Variants in PTCHD1 observed in about 807,000 individuals in gnomAD.
PTCHD1 encodes patched domain-containing protein 1.
PTCHD1 carries 3 observed loss-of-function variants against 34.6 expected under a neutral mutation model. That is an observed-to-expected ratio of 0.09 (90% CI 0.04 to 0.22). PTCHD1 has a LOEUF of 0.22. Among genes scored for constraint, PTCHD1 ranks in the 10% least tolerant of loss-of-function variants. The probability of loss-of-function intolerance (pLI) is 1.00; values close to 1 mark genes in which losing one functional copy is unlikely to be tolerated. For missense variants in PTCHD1, 504 were observed against 685.5 expected (o/e 0.74, Z 2.96); for synonymous variants, 305 against 283.1 (o/e 1.08, Z -0.77).
Position 23,401,068 on chromosome X carries a change from A to T in PTCHD1, c.*6883A>T, listed in dbSNP as rs1268378929. The T allele has an allele frequency of 9.9e-6, 1 of 101,299 alleles. No individual in the cohort carries two copies. The highest frequency in any genetic ancestry group is 2.0e-5 in the Non-Finnish European group (1 of 50,586). The allele number at this position is 101,299 out of a possible 1,213,427, so 8.3% of individuals were successfully genotyped here. A position where few individuals can be genotyped will look rare whatever the true frequency, so the allele number is the denominator to read the frequency against. Reference sequence around the variant, plus strand: ...GTGTGTGTGTGTGTGTTTAGTAGAGATGGGGTTTCACCGTGTTACCCATGA... The same window carrying T: ...GTGTGTGTGTGTGTGTTTAGTAGAGTTGGGGTTTCACCGTGTTACCCATGA... On this transcript the variant is annotated 3_prime_UTR_variant, in exon 3 of 3. Coordinates refer to ENST00000379361, the MANE Select transcript of PTCHD1 (RefSeq NM_173495.3).
chrX:23,336,961 C>A (rs942918907), intron 1 of PTCHD1, among the ~76,000 whole-genome samples: 1 of 111,046 alleles, frequency 9.0e-6, no homozygotes, highest in Non-Finnish European at 1.9e-5. Flanking sequence ...GGTGACGTTT[C>A]CATTGCCTTT....
chrX:23,373,167 TG>T (rs1293595221), intron 1 of PTCHD1, among the ~76,000 whole-genome samples: 7 of 112,935 alleles, frequency 6.2e-5, no homozygotes, highest in Non-Finnish European at 1.3e-4. Context: ...AATCTAAAGC[TG>T]CCTTGTTTTT....
At chrX:23,390,876 T>C (rs940838327) in intron 2 of PTCHD1, among the ~76,000 whole-genome samples, 1 of 112,143 alleles carries the variant, frequency 8.9e-6, no homozygotes, top group Non-Finnish European at 1.9e-5. Flanking sequence ...GATTTTAAAT[T>C]CCTTTTTAAA....
chrX:23,360,925 G>C (rs189970661), intron 1 of PTCHD1, among the ~76,000 whole-genome samples: 9 of 112,278 alleles, frequency 8.0e-5, no homozygotes, highest in Admixed American at 2.8e-4. Context: ...TCGTTCAAGA[G>C]CAAGTTGTTC....
chrX:23,366,809 T>C (rs1922152244), intron 1 of PTCHD1, among the ~76,000 whole-genome samples: 1 of 111,101 alleles, frequency 9.0e-6, no homozygotes, highest in Non-Finnish European at 1.9e-5. Context: ...GATTTACTAA[T>C]AGTAACTAAT....
intron 1 of PTCHD1, among the ~76,000 whole-genome samples, chrX:23,379,243 A>C (rs1922491324): frequency 8.9e-6 from 1 of 112,458 alleles, no homozygotes; most frequent in Admixed American, 9.4e-5. Context: ...CTGGTACTTT[A>C]ATGCAGCATT....
At chrX:23,334,428 C>A (rs908126126), upstream of PTCHD1, 3 of 110,163 alleles carry the variant, frequency 2.7e-5, no homozygotes, top group Non-Finnish European at 5.7e-5. Flanking sequence ...GTCGCCGCTC[C>A]CCGCGCCACC....
In PTCHD1 at chrX:23,403,768, T is replaced by TCTTAATA. The variant is rs1923176467; in HGVS notation, c.*9584_*9590dup. ...GTATGCCACCCCAGACCCCTGCATTTCTTAATATCTATAAAAATATGACTA... is the reference window on the plus strand; with the variant it reads ...GTATGCCACCCCAGACCCCTGCATTTCTTAATACTTAATATCTATAAAAATATGACTA... On this transcript the variant is annotated 3_prime_UTR_variant, in exon 3 of 3. Coordinates refer to ENST00000379361, the MANE Select transcript of PTCHD1 (RefSeq NM_173495.3). 9.0e-6 allele frequency: 1 copy of TCTTAATA among 111,535 alleles called. No individual in the cohort carries two copies. Among genetic ancestry groups the TCTTAATA allele is most frequent in the African/African-American group, 3.3e-5 (1 of 30,684 alleles). 9.2% of individuals were successfully genotyped at this position (111,535 alleles called of 1,213,427 possible). A position where few individuals can be genotyped will look rare whatever the true frequency, so the allele number is the denominator to read the frequency against.
At chrX:23,384,671 C>G (rs1958816360) in intron 2 of PTCHD1, among the ~76,000 whole-genome samples, 1 of 111,950 alleles carries the variant, frequency 8.9e-6, no homozygotes, top group Non-Finnish European at 1.9e-5. Context: ...CATTGAAATT[C>G]TTATTTTTTC....
Position 23,394,108 on chromosome X carries a change from A to T in PTCHD1, c.2590A>T (p.Asn864Tyr), listed in dbSNP as rs1272611570. The change falls in exon 3 of 3, where the codon AAC becomes TAC. Residue 864 changes from asparagine (N) to tyrosine (Y), a missense_variant. Coordinates refer to ENST00000379361, the MANE Select transcript of PTCHD1 (RefSeq NM_173495.3). ...AAGGAAAGAGAAGAAAAATCCTGAGAACCGGGAGGAAATTGAGTGTGTAGA... is the reference window on the plus strand; with the variant it reads ...AAGGAAAGAGAAGAAAAATCCTGAGTACCGGGAGGAAATTGAGTGTGTAGA... ...KKRKEKKNPE[N>Y]REEIECVEMV... 8.3e-7 allele frequency: 1 copy of T among 1,207,738 alleles called. No homozygotes were observed. The highest frequency in any genetic ancestry group is 1.1e-6 in the Non-Finnish European group (1 of 894,540).
At chrX:23,374,541 G>A (rs1922359697) in intron 1 of PTCHD1, among the ~76,000 whole-genome samples, 1 of 110,553 alleles carries the variant, frequency 9.0e-6, no homozygotes, top group Non-Finnish European at 1.9e-5. Context: ...CCAGGATCTG[G>A]CAGAAGGGGA....
At chrX:23,382,481 T>A (rs992448775) in intron 2 of PTCHD1, among the ~76,000 whole-genome samples, 23 of 112,287 alleles carry the variant, frequency 2.0e-4, no homozygotes, top group Admixed American at 2.0e-3. Context: ...GCAGATAGTA[T>A]TGGTGCAGGG....
Position 23,389,265 on chromosome X carries a change from C to T in PTCHD1, c.1013-3266C>T, listed in dbSNP as rs756624145. ...AATGTGTCTCCCCTTGAATCCAGGC[C>T]AGAACACAAGAGTCCTCACCGATGG... On this transcript the variant is annotated intron_variant, in intron 2 of 2. Coordinates refer to ENST00000379361, the MANE Select transcript of PTCHD1 (RefSeq NM_173495.3). Among the ~76,000 whole-genome samples, 5 of 111,684 alleles carry T rather than the reference C, an allele frequency of 4.5e-5. No homozygotes were observed. In the South Asian group the frequency reaches 1.9e-3, roughly 42 times the overall value.
chrX:23,379,541 A>G (rs1195665559), intron 1 of PTCHD1, 50 bp from the exon 2 acceptor site: 1 of 1,174,074 alleles, frequency 8.5e-7, no homozygotes, highest in Admixed American at 2.2e-5. Context: ...TCCAAAAAAT[A>G]AAAATAGAAA....
chrX:23,358,803 C>G (rs1921886648), intron 1 of PTCHD1, among the ~76,000 whole-genome samples: 1 of 104,979 alleles, frequency 9.5e-6, no homozygotes, highest in African/African-American at 3.5e-5. Context: ...AGTCTTTAAT[C>G]CAACTTGAAT....
rs1194307495 is a variant in PTCHD1 at position 23,401,267 on chromosome X, G to T, written c.*7082G>T. 1 of 112,227 alleles carries T rather than the reference G, an allele frequency of 8.9e-6. No homozygotes were observed. Among genetic ancestry groups the T allele is most frequent in the African/African-American group, 3.2e-5 (1 of 30,833 alleles). 9.2% of individuals were successfully genotyped at this position (112,227 alleles called of 1,213,427 possible). On this transcript the variant is annotated 3_prime_UTR_variant, in exon 3 of 3. Transcript: ENST00000379361. ...AGCCCATTTCCATTACTCATTCCAG[G>T]CTCATGCTCAGGAAAACTAATAACG...
intron 1 of PTCHD1, among the ~76,000 whole-genome samples, chrX:23,343,789 G>A (rs186943515): frequency 1.8e-5 from 2 of 112,589 alleles, no homozygotes; most frequent in African/African-American, 6.4e-5. Flanking sequence ...CTCTCCTGCT[G>A]TCACTAATAC....
Position 23,394,127 on chromosome X carries a change from G to A in PTCHD1, c.2609G>A (p.Cys870Tyr). 8.3e-7 allele frequency: 1 copy of A among 1,210,296 alleles called. No individual in the cohort carries two copies. The highest frequency in any genetic ancestry group is 1.1e-6 in the Non-Finnish European group (1 of 894,801). Residue 870 changes from cysteine to tyrosine, a missense_variant, in exon 3 of 3, where the codon TGT (cysteine) becomes TAT (tyrosine). Cys to Tyr is a radical substitution (Grantham distance 194). Coordinates refer to ENST00000379361, the MANE Select transcript of PTCHD1 (RefSeq NM_173495.3). ...KNPENREEIE[C>Y]VEMVDIDSTR... ...CCTGAGAACCGGGAGGAAATTGAGT[G>A]TGTAGAAATGGTAGATATCGATAGT...
chrX:23,391,914 T>C lies in PTCHD1; in HGVS notation c.1013-617T>C, dbSNP rs749818373. On this transcript the variant is annotated intron_variant, in intron 2 of 2. Transcript: ENST00000379361. ...CCCTGTTGCCCAGGCTGGAGTGCAG[T>C]GGCACAATCATGGCTCACTGCAGCC... Among the ~76,000 whole-genome samples, 4 of 110,661 alleles carry C rather than the reference T, an allele frequency of 3.6e-5. No individual in the cohort carries two copies. The South Asian group carries it at 1.5e-3, about 42-fold the overall frequency.
Sources: gnomAD v4.1 joint callset for allele counts (sites outside exome capture counted in the v4.1 genomes callset) on GRCh38, gnomAD v4.1.1 for gene constraint, MANE v1.5 for transcripts, NCBI Gene and HGNC (gene_info 2026-07-23, HGNC 2026-07-21) for gene names.